Variants in LPP observed in about 807,000 individuals in gnomAD.
The protein encoded by LPP is lipoma-preferred partner.
In LPP, 38 loss-of-function variants were observed where a neutral mutation model predicts 60.4. That is an observed-to-expected ratio of 0.63 (90% CI 0.49 to 0.83). The LOEUF is 0.83. Ranked by LOEUF, LPP falls within the 40% of genes least tolerant of loss-of-function variation. LPP has a pLI of 0.00. For missense variants in LPP, 902 were observed against 783.6 expected, an observed-to-expected ratio of 1.15 and a Z score of -1.80; for synonymous variants, 328 against 290.8, an observed-to-expected ratio of 1.13 and a Z score of -1.30.
chr3:188,594,415 G>C (rs1355900266), intron 6 of LPP, among the ~76,000 whole-genome samples: 1 of 152,126 alleles, frequency 6.6e-6, no homozygotes, highest in Non-Finnish European at 1.5e-5. Context: ...AAATGAATGG[G>C]TTGCAGTGGA....
At chr3:188,730,898 A>G (rs1311732367) in intron 8 of LPP, among the ~76,000 whole-genome samples, 1 of 152,236 alleles carries the variant, frequency 6.6e-6, no homozygotes, top group Non-Finnish European at 1.5e-5. Flanking sequence ...AGCCTGTAAC[A>G]TAGCACCTCT....
chr3:188,535,573 A>G (rs1560532633), intron 6 of LPP, among the ~76,000 whole-genome samples: 1 of 152,230 alleles, frequency 6.6e-6, no homozygotes, highest in Non-Finnish European at 1.5e-5. Context: ...TTTTTAAAAT[A>G]AAGAACATGT....
chr3:188,804,140 C>T (rs1357555373), intron 9 of LPP, among the ~76,000 whole-genome samples: 11 of 147,566 alleles, frequency 7.5e-5, no homozygotes, highest in Admixed American at 2.0e-4. Flanking sequence ...TGTATATTGC[C>T]CATGTGTGCT....
intron 9 of LPP, among the ~76,000 whole-genome samples, chr3:188,823,824 C>T (rs1333352632): frequency 1.3e-5 from 2 of 152,082 alleles, no homozygotes; most frequent in South Asian, 2.1e-4. Flanking sequence ...TTAATGTCTT[C>T]AACTTGCCAA....
chr3:188,509,694 C>CTCTT (rs148886290), intron 5 of LPP, among the ~76,000 whole-genome samples: 16,395 of 84,538 alleles, frequency 0.19, 3,168 homozygotes, highest in South Asian at 0.35. Flanking sequence ...TCCTCTCTCT[C>CTCTT]TCTCTTTTCT....
chr3:188,303,769 T>C (rs1750673191), intron 2 of LPP, among the ~76,000 whole-genome samples: 2 of 152,138 alleles, frequency 1.3e-5, no homozygotes, highest in African/African-American at 4.8e-5. Flanking sequence ...AAAAATAGGT[T>C]CCCAGTACCC....
rs188983600 is a variant in LPP at position 188,566,564 on chromosome 3, C to T, written c.429+41777C>T. Reference sequence around the variant, plus strand: ...CTTAATGTGTTCCTTTGATCCTCCTCCCAACTCTCCCTCCAACATTCATAC... The same window carrying T: ...CTTAATGTGTTCCTTTGATCCTCCTTCCAACTCTCCCTCCAACATTCATAC... On this transcript the variant is annotated intron_variant, in intron 6 of 11. Transcript: ENST00000617246. Among the ~76,000 whole-genome samples, 16 of 151,958 alleles carry T rather than the reference C, an allele frequency of 1.1e-4. No individual in the cohort carries two copies. The East Asian group carries it at 3.1e-3, about 30-fold the overall frequency.
intron 7 of LPP, among the ~76,000 whole-genome samples, chr3:188,624,721 CCCTTT>C (rs66702533): frequency 0.029 from 3,851 of 131,244 alleles, 235 homozygotes; most frequent in Non-Finnish European, 0.035. Flanking sequence ...CTTTCCCTTT[CCCTTT>C]CCCTTTCCCT....
intron 2 of LPP, among the ~76,000 whole-genome samples, chr3:188,310,440 T>C (rs577951310): frequency 6.6e-6 from 1 of 152,110 alleles, no homozygotes; most frequent in African/African-American, 2.4e-5. Flanking sequence ...CAAAGTGAAC[T>C]TAAAAAATAG....
intron 6 of LPP, among the ~76,000 whole-genome samples, chr3:188,564,901 C>G (rs1004546423): frequency 6.6e-6 from 1 of 151,996 alleles, no homozygotes; most frequent in Non-Finnish European, 1.5e-5. Context: ...TAGTCTTCTT[C>G]TGAACACTAG....
chr3:188,816,707 A>G (rs1279962135), intron 9 of LPP, among the ~76,000 whole-genome samples: 1 of 152,228 alleles, frequency 6.6e-6, no homozygotes, highest in African/African-American at 2.4e-5. Context: ...TCAGTGCCAA[A>G]GAAATTGACA....
At chr3:188,676,535 T>C (rs781571606) in intron 7 of LPP, among the ~76,000 whole-genome samples, 3 of 152,214 alleles carry the variant, frequency 2.0e-5, no homozygotes, top group Non-Finnish European at 2.9e-5. Flanking sequence ...CGTTCTTTGT[T>C]ATATGTCTTT....
chr3:188,250,776 T>TTCTGTCTGTCTGTCTTTCTTTC (rs1480360616), intron 2 of LPP, among the ~76,000 whole-genome samples: 1 of 121,760 alleles, frequency 8.2e-6, no homozygotes, highest in African/African-American at 3.3e-5. Context: ...CTTTCTTTCT[T>TTCTGTCTGTCTGTCTTTCTTTC]TCTTTCTTTC....
At position 188,183,105 on chromosome 3, in the gene LPP, G is replaced by C. The variant is rs143445117; in HGVS notation, c.-190+28853G>C. On this transcript the variant is annotated intron_variant, in intron 1 of 11. Transcript: ENST00000617246. ...CCTGAGGACACACTTCACATTACCT[G>C]AGCTGCTTCTGACCTGCAGTGTTGG... Among the ~76,000 whole-genome samples the C allele has an allele frequency of 1.5e-4, 23 of 152,272 alleles. No homozygotes were observed. In the East Asian group the frequency reaches 3.3e-3, roughly 22 times the overall value.
intron 8 of LPP, chr3:188,746,629 G>C (rs1726307197): frequency 2.2e-6 from 1 of 448,114 alleles, no homozygotes; most frequent in Admixed American, 2.5e-5. Flanking sequence ...CCGTTACTGA[G>C]CGTATCCATT....
chr3:188,717,921 G>A (rs904050855), intron 8 of LPP, among the ~76,000 whole-genome samples: 11 of 152,264 alleles, frequency 7.2e-5, no homozygotes, highest in African/African-American at 2.2e-4. Context: ...AGGTTCAAGC[G>A]ATTCTCCTGC....
intron 6 of LPP, among the ~76,000 whole-genome samples, chr3:188,607,378 T>G (rs1228905064): frequency 2.8e-3 from 43 of 15,130 alleles, no homozygotes; most frequent in African/African-American, 0.01. Flanking sequence ...AAGATATATA[T>G]ATATATATAT....
At chr3:188,238,762 T>G (rs561388149) in intron 2 of LPP, among the ~76,000 whole-genome samples, 1 of 152,154 alleles carries the variant, frequency 6.6e-6, no homozygotes, top group East Asian at 1.9e-4. Flanking sequence ...ATAATAATAA[T>G]GAAAAAGTTT....
At chr3:188,170,361 C>T (rs1305114698) in intron 1 of LPP, among the ~76,000 whole-genome samples, 79 of 136,812 alleles carry the variant, frequency 5.8e-4, no homozygotes, top group Admixed American at 1.2e-3. Flanking sequence ...GAGGGAGTCT[C>T]GCTCTATTGC....
Sources: allele counts gnomAD v4.1 joint callset (sites outside exome capture counted in the v4.1 genomes callset), GRCh38; gene constraint gnomAD v4.1.1; transcripts MANE v1.5; gene names NCBI Gene and HGNC (gene_info 2026-07-23, HGNC 2026-07-21).